Variants in USP25 observed in about 807,000 individuals in gnomAD.
The protein encoded by USP25 is ubiquitin specific peptidase 25.
Under a neutral mutation model 158.5 loss-of-function variants are expected in USP25, and 85 were observed. The ratio of observed to expected loss-of-function variants is 0.54; its 90% CI spans 0.45 to 0.64. The LOEUF is 0.64. Ranked by LOEUF, USP25 falls within the 30% of genes least tolerant of loss-of-function variation. The pLI is 0.00. For missense variants in USP25, 1,242 were observed against 1,327.3 expected (o/e 0.94, Z 1.00); for synonymous variants, 464 against 460.4 (o/e 1.01, Z -0.10).
intron 21 of USP25, 137 bp downstream of exon 21, chr21:15,864,583 C>A: frequency 1.3e-6 from 1 of 745,748 alleles, no homozygotes; most frequent in Non-Finnish European, 2.0e-6. Context: ...AAAATTTGAA[C>A]TCAATGTGAC....
chr21:15,864,319 C>A lies in USP25; in HGVS notation c.2599C>A (p.Pro867Thr), dbSNP rs752469925. The part of the protein sequence containing the change: ...RLVKLAQEDT[P>T]PETDYRLHHV... ...GGTTAAGTTGGCCCAAGAAGACACC[C>A]CACCAGAAACCGATTATCGTTTACA... is the stretch of plus-strand genomic sequence containing the variant. The change falls in exon 21 of 26, where the codon CCA becomes ACA. Residue 867 changes from proline (P) to threonine (T), a missense_variant. Pro to Thr is a conservative substitution (Grantham distance 38). Coordinates refer to ENST00000400183, the MANE Select transcript of USP25 (RefSeq NM_001283041.3). The A allele has an allele frequency of 6.2e-7, 1 of 1,612,386 alleles. No individual in the cohort carries two copies. The highest frequency in any genetic ancestry group is 8.5e-7 in the Non-Finnish European group (1 of 1,179,542).
chr21:15,792,545 A>G (rs1053983446), intron 5 of USP25, among the ~76,000 whole-genome samples: 2 of 151,574 alleles, frequency 1.3e-5, no homozygotes, highest in African/African-American at 4.8e-5. Flanking sequence ...TATTTTTTGT[A>G]TTCAAAATAT....
At chr21:15,742,813 G>C (rs1400105277) in intron 1 of USP25, among the ~76,000 whole-genome samples, 1 of 152,232 alleles carries the variant, frequency 6.6e-6, no homozygotes, top group Non-Finnish European at 1.5e-5. Flanking sequence ...CGCTCTGCCT[G>C]CTCGGCCCAG....
chr21:15,823,009 C>G (rs1336354571), intron 10 of USP25, among the ~76,000 whole-genome samples: 6 of 152,014 alleles, frequency 3.9e-5, no homozygotes, highest in Non-Finnish European at 7.4e-5. Flanking sequence ...TTTCCAGATC[C>G]TCCTCAGATT....
chr21:15,767,838 A>C (rs1600850837), intron 3 of USP25, among the ~76,000 whole-genome samples: 1 of 152,170 alleles, frequency 6.6e-6, no homozygotes, highest in South Asian at 2.1e-4. Flanking sequence ...AAAAGGGGAA[A>C]ATTAGGATTA....
At chr21:15,733,647 T>G (rs1421484710) in intron 1 of USP25, among the ~76,000 whole-genome samples, 1 of 152,098 alleles carries the variant, frequency 6.6e-6, no homozygotes, top group South Asian at 2.1e-4. Flanking sequence ...GAGACCAGCC[T>G]GACCAACATG....
intron 10 of USP25, among the ~76,000 whole-genome samples, chr21:15,821,392 A>G (rs11909481): frequency 6.6e-6 from 1 of 151,924 alleles, no homozygotes; most frequent in South Asian, 2.1e-4. Flanking sequence ...ATGTCTTTGT[A>G]TAAATACCCT....
intron 3 of USP25, among the ~76,000 whole-genome samples, chr21:15,775,903 A>G (rs2034629737): frequency 1.3e-5 from 2 of 152,066 alleles, no homozygotes. Context: ...TGAAGAAAGT[A>G]AACTTAAGAG....
intron 1 of USP25, among the ~76,000 whole-genome samples, chr21:15,758,383 A>C (rs1320405735): frequency 2.0e-5 from 3 of 152,116 alleles, no homozygotes; most frequent in Non-Finnish European, 4.4e-5. Context: ...AAATAATTGA[A>C]TCATGGGGGC....
At chr21:15,849,124 A>G (rs1005395146) in intron 19 of USP25, among the ~76,000 whole-genome samples, 61 of 152,324 alleles carry the variant, frequency 4.0e-4, no homozygotes, top group African/African-American at 1.4e-3. Context: ...TTGATTAAGC[A>G]GTTAAGTACT....
intron 1 of USP25, among the ~76,000 whole-genome samples, chr21:15,733,129 G>GCCCCCCC (rs2031105807): frequency 3.9e-5 from 1 of 25,814 alleles, no homozygotes; most frequent in Non-Finnish European, 8.6e-5. Flanking sequence ...ATACTCCACG[G>GCCCCCCC]CGCCCCCCCC....
At chr21:15,874,547 A>G (rs753861577) in intron 24 of USP25, 21 bp downstream of exon 24, 5 of 1,569,222 alleles carry the variant, frequency 3.2e-6, no homozygotes, top group Admixed American at 2.0e-5. Flanking sequence ...TGCATATAGT[A>G]TGATCTTATC....
Position 15,859,342 on chromosome 21 carries a change from G to A in USP25, c.2548-4926G>A, listed in dbSNP as rs544049686. 5.3e-5 allele frequency among the ~76,000 whole-genome samples: 8 copies of A among 151,768 alleles called. No individual in the cohort carries two copies. The East Asian group carries it at 7.8e-4, about 15-fold the overall frequency. Reference sequence around the variant, plus strand: ...TGAGTAGCTGGGACTACAGGCTCCCGCCACCACGCCTGGCTAAGTTTTTTT... The same window carrying A: ...TGAGTAGCTGGGACTACAGGCTCCCACCACCACGCCTGGCTAAGTTTTTTT... On this transcript the variant is annotated intron_variant, in intron 20 of 25. Transcript: ENST00000400183.
Position 15,791,488 on chromosome 21 carries a change from C to T in USP25, c.393-14C>T, listed in dbSNP as rs776168793. 3.2e-6 allele frequency: 5 copies of T among 1,579,584 alleles called. No homozygotes were observed. In the South Asian group the frequency reaches 3.6e-5, roughly 11 times the overall value. The stretch of plus-strand genomic sequence containing the variant: ...CATTATATAATGCTGCATTTTTTTC[C>T]ACCATTGATTAAGAGTTCTTGAAGC... On this transcript the variant is annotated splice_polypyrimidine_tract_variant and intron_variant, in intron 4 of 25. Coordinates refer to ENST00000400183, the MANE Select transcript of USP25 (RefSeq NM_001283041.3).
chr21:15,814,193 C>G (rs562106653), intron 9 of USP25, among the ~76,000 whole-genome samples: 34 of 150,254 alleles, frequency 2.3e-4, no homozygotes, highest in Non-Finnish European at 4.3e-4. Context: ...TTTCCTCTTG[C>G]TGCTGCCATG....
chr21:15,842,043 A>G lies in USP25; in HGVS notation c.2195-355A>G, dbSNP rs578224448. Among the ~76,000 whole-genome samples, 19 of 152,302 alleles carry G rather than the reference A, an allele frequency of 1.2e-4. 1 individual carries two copies. The highest frequency in any genetic ancestry group is 4.3e-4 in the African/African-American group (18 of 41,572). ...GAGAAAAATAGCTCCTGTGCACTCT[A>G]TGGAAAGTCAGCCCAAGATTGCTGT... is the stretch of plus-strand genomic sequence containing the variant. On this transcript the variant is annotated intron_variant, in intron 17 of 25. Transcript: ENST00000400183.
chr21:15,841,376 A>G (rs2038326134), intron 17 of USP25, among the ~76,000 whole-genome samples: 1 of 152,156 alleles, frequency 6.6e-6, no homozygotes, highest in African/African-American at 2.4e-5. Flanking sequence ...CGTTCTTCAC[A>G]ATATCCCCAG....
chr21:15,802,618 A>AT (rs1600960899), intron 6 of USP25, among the ~76,000 whole-genome samples: 1 of 151,710 alleles, frequency 6.6e-6, no homozygotes, highest in Non-Finnish European at 1.5e-5. Context: ...AAAACATGAC[A>AT]TATCAAAATT....
intron 16 of USP25, among the ~76,000 whole-genome samples, chr21:15,832,824 C>T (rs889114081): frequency 2.0e-5 from 3 of 152,096 alleles, no homozygotes; most frequent in African/African-American, 7.2e-5. Context: ...CGAGACCATC[C>T]TGGCTAACAC....
Sources: allele counts gnomAD v4.1 joint callset (sites outside exome capture counted in the v4.1 genomes callset), GRCh38; gene constraint gnomAD v4.1.1; transcripts MANE v1.5; gene names NCBI Gene and HGNC (gene_info 2026-07-23, HGNC 2026-07-21).